The following NCAM1 variants were observed in gnomAD, a reference collection of about 807,000 sequenced individuals.
NCAM1 encodes neural cell adhesion molecule 1.
A neutral mutation model predicts 109.8 loss-of-function variants in NCAM1; 14 were observed. The observed-to-expected ratio is 0.13, with a 90% CI of 0.08 to 0.20. NCAM1 has a LOEUF of 0.20. NCAM1 is among the 10% of genes least tolerant of loss of function. The pLI is 1.00. For missense variants in NCAM1, 774 were observed against 1,109.9 expected, an observed-to-expected ratio of 0.70 and a Z score of 4.30; for synonymous variants, 418 against 442.9, an observed-to-expected ratio of 0.94 and a Z score of 0.70.
intron 1 of NCAM1, among the ~76,000 whole-genome samples, chr11:113,192,894 C>G (rs1440029974): frequency 5.3e-5 from 8 of 152,194 alleles, no homozygotes; most frequent in Non-Finnish European, 1.0e-4. Context: ...GGCCATGACT[C>G]CAACATAGTA....
intron 1 of NCAM1, among the ~76,000 whole-genome samples, chr11:112,997,494 T>C (rs1036192294): frequency 3.7e-4 from 57 of 152,180 alleles, no homozygotes; most frequent in Non-Finnish European, 4.1e-4. Context: ...GGGACAGTGT[T>C]CATTATTTTC....
intron 1 of NCAM1, among the ~76,000 whole-genome samples, chr11:113,094,703 C>G (rs1939514596): frequency 2.6e-5 from 4 of 152,144 alleles, no homozygotes; most frequent in Admixed American, 2.6e-4. Flanking sequence ...GGCCAAGGCT[C>G]TACCAGTCCA....
intron 1 of NCAM1, among the ~76,000 whole-genome samples, chr11:112,997,175 C>T (rs1016266782): frequency 6.6e-6 from 1 of 151,874 alleles, no homozygotes; most frequent in Non-Finnish European, 1.5e-5. Flanking sequence ...AAGAAGGATA[C>T]TTACTGCATG....
At chr11:113,194,257 C>A (rs370951863) in intron 1 of NCAM1, among the ~76,000 whole-genome samples, 1 of 152,180 alleles carries the variant, frequency 6.6e-6, no homozygotes, top group Non-Finnish European at 1.5e-5. Context: ...TATTCAATAT[C>A]TTTTCTTCCT....
intron 1 of NCAM1, among the ~76,000 whole-genome samples, chr11:113,173,088 C>T (rs572707999): frequency 3.9e-5 from 6 of 152,214 alleles, no homozygotes; most frequent in South Asian, 2.1e-4. Flanking sequence ...AATGGCTTCT[C>T]GTTGTACCCT....
intron 1 of NCAM1, among the ~76,000 whole-genome samples, chr11:113,179,192 A>T (rs760517476): frequency 1.4e-4 from 22 of 152,216 alleles, no homozygotes; most frequent in Non-Finnish European, 2.9e-4. Context: ...GGAGAGAGAG[A>T]TGAAGAAACT....
At chr11:113,253,682 G>C (rs975286739) in intron 15 of NCAM1, among the ~76,000 whole-genome samples, 7 of 152,156 alleles carry the variant, frequency 4.6e-5, no homozygotes, top group African/African-American at 1.4e-4. Context: ...ATCCCTAAAA[G>C]GGGGCCTTGG....
chr11:113,182,426 T>C (rs1555108135), intron 1 of NCAM1, among the ~76,000 whole-genome samples: 2 of 152,218 alleles, frequency 1.3e-5, no homozygotes, highest in Non-Finnish European at 2.9e-5. Context: ...GCCCTGAATG[T>C]GACGTAATTA....
chr11:113,040,640 G>T (rs1953043750), intron 1 of NCAM1, among the ~76,000 whole-genome samples: 2 of 152,098 alleles, frequency 1.3e-5, no homozygotes, highest in Admixed American at 6.5e-5. Flanking sequence ...AAATAACTTT[G>T]GTTTGGAATT....
At chr11:113,116,484 T>C (rs1555094900) in intron 1 of NCAM1, among the ~76,000 whole-genome samples, 1 of 152,236 alleles carries the variant, frequency 6.6e-6, no homozygotes, top group African/African-American at 2.4e-5. Flanking sequence ...GCTAAGCTAG[T>C]TCAGCTGGCA....
intron 1 of NCAM1, among the ~76,000 whole-genome samples, chr11:113,070,539 T>C (rs554967573): frequency 2.6e-5 from 4 of 151,494 alleles, no homozygotes; most frequent in Non-Finnish European, 5.9e-5. Flanking sequence ...AGATGAGAGA[T>C]AGAGGAGAGA....
intron 1 of NCAM1, among the ~76,000 whole-genome samples, chr11:113,151,480 GA>G (rs1375674209): frequency 1.3e-5 from 2 of 152,192 alleles, no homozygotes; most frequent in African/African-American, 4.8e-5. Flanking sequence ...ATATGGTCAG[GA>G]GACATTCCCC....
chr11:113,267,078 T>C (rs1946146190), intron 17 of NCAM1, among the ~76,000 whole-genome samples: 1 of 152,198 alleles, frequency 6.6e-6, no homozygotes, highest in East Asian at 1.9e-4. Flanking sequence ...TAGTCCTTTC[T>C]CAGATGGAGC....
At chr11:113,263,123 T>A in intron 17 of NCAM1, 1 of 1,270,050 alleles carries the variant, frequency 7.9e-7, no homozygotes, top group East Asian at 3.0e-5. Flanking sequence ...TTGTGCCACT[T>A]CATAAGGAGT....
chr11:113,220,860 C>T (rs549286907), intron 8 of NCAM1, among the ~76,000 whole-genome samples: 17 of 152,110 alleles, frequency 1.1e-4, no homozygotes, highest in East Asian at 9.7e-4. Flanking sequence ...CTGCCTGCCT[C>T]GGCCTCCCAA....
intron 1 of NCAM1, among the ~76,000 whole-genome samples, chr11:112,977,047 C>CA (rs1353416154): frequency 6.6e-6 from 1 of 151,006 alleles, no homozygotes; most frequent in Non-Finnish European, 1.5e-5. Flanking sequence ...AATGATGAGA[C>CA]AAGTGAAATC....
chr11:113,207,227 C>T (rs1944264115), intron 5 of NCAM1, 34 bp from the exon 6 acceptor site: 2 of 1,583,774 alleles, frequency 1.3e-6, no homozygotes, highest in Non-Finnish European at 1.7e-6. Context: ...TCCAAATTTT[C>T]ACAACCACCC....
intron 1 of NCAM1, among the ~76,000 whole-genome samples, chr11:113,060,978 G>T (rs1297855938): frequency 6.6e-6 from 1 of 152,088 alleles, no homozygotes; most frequent in Non-Finnish European, 1.5e-5. Flanking sequence ...ATACCATTTT[G>T]TTAGCTAGAG....
At chr11:113,150,133 A>C (rs989479694) in intron 1 of NCAM1, among the ~76,000 whole-genome samples, 1 of 152,216 alleles carries the variant, frequency 6.6e-6, no homozygotes, top group Non-Finnish European at 1.5e-5. Context: ...ATAAATAAAC[A>C]TTTCTAAGGT....
Sources: allele counts gnomAD v4.1 joint callset (sites outside exome capture counted in the v4.1 genomes callset), GRCh38; gene constraint gnomAD v4.1.1; transcripts MANE v1.5; gene names NCBI Gene and HGNC (gene_info 2026-07-23, HGNC 2026-07-21).